KCNG3: variants seen among roughly 807,000 people sequenced by gnomAD.
KCNG3 encodes the protein potassium voltage-gated channel modifier subfamily G member 3.
A neutral mutation model predicts 29.0 loss-of-function variants in KCNG3; 15 were observed. The ratio of observed to expected loss-of-function variants is 0.52; its 90% CI spans 0.35 to 0.80. KCNG3 has a LOEUF of 0.80. KCNG3 is among the 30% of genes least tolerant of loss of function. KCNG3 has a pLI of 0.01. For missense variants in KCNG3, 512 were observed against 605.7 expected, an observed-to-expected ratio of 0.85 and a Z score of 1.62; for synonymous variants, 322 against 248.9, an observed-to-expected ratio of 1.29 and a Z score of -2.76.
At chr2:42,412,905 C>T in the KCNG3 span, among the ~76,000 whole-genome samples, 1 of 152,074 alleles carries the variant, frequency 6.6e-6, no homozygotes, top group Non-Finnish European at 1.5e-5. Context: ...ATTACTACGT[C>T]ACATTTTTTA....
At chr2:42,472,898 TATATA>T in intron 1 of KCNG3, among the ~76,000 whole-genome samples, 2 of 97,084 alleles carry the variant, frequency 2.1e-5, no homozygotes, top group Non-Finnish European at 3.9e-5. Flanking sequence ...TAGATATATA[TATATA>T]TTTTTTTTTT....
intron 1 of KCNG3, among the ~76,000 whole-genome samples, chr2:42,491,913 C>T (rs1673887490): frequency 6.6e-6 from 1 of 152,178 alleles, no homozygotes; most frequent in Admixed American, 6.5e-5. Flanking sequence ...CTATAATATG[C>T]AGTTTGGGTT....
intron 1 of KCNG3, among the ~76,000 whole-genome samples, chr2:42,483,429 T>C (rs10190727): frequency 0.81 from 123,896 of 152,274 alleles, 51,084 homozygotes; most frequent in African/African-American, 0.94. Flanking sequence ...TCGTGTTCTG[T>C]GCCACTGTTT....
the KCNG3 span, among the ~76,000 whole-genome samples, chr2:42,431,576 T>C: frequency 2.0e-5 from 3 of 152,196 alleles, no homozygotes; most frequent in Non-Finnish European, 4.4e-5. Context: ...TGGTGCTCTA[T>C]CTAAGAAAAG....
At chr2:42,409,749 G>C in the KCNG3 span, among the ~76,000 whole-genome samples, 3 of 139,462 alleles carry the variant, frequency 2.2e-5, no homozygotes, top group East Asian at 6.1e-4. Flanking sequence ...AAATTATACA[G>C]TGAAAAAGCT....
At chr2:42,460,148 G>C (rs1354800776) in intron 1 of KCNG3, among the ~76,000 whole-genome samples, 2 of 152,042 alleles carry the variant, frequency 1.3e-5, no homozygotes, top group Non-Finnish European at 1.5e-5. Context: ...AGGACTTCTT[G>C]AAGCCAGGAG....
chr2:42,421,722 T>G, the KCNG3 span, among the ~76,000 whole-genome samples: 1 of 152,102 alleles, frequency 6.6e-6, no homozygotes, highest in African/African-American at 2.4e-5. Context: ...AATCTTAGAA[T>G]TGGGGAAAAA....
At chr2:42,463,171 G>T in intron 1 of KCNG3, 1 of 345,712 alleles carries the variant, frequency 2.9e-6, no homozygotes. Context: ...CCAAGCTCAT[G>T]GCCACCAGCA....
chr2:42,410,169 C>T, the KCNG3 span, among the ~76,000 whole-genome samples: 1 of 152,012 alleles, frequency 6.6e-6, no homozygotes, highest in Non-Finnish European at 1.5e-5. Flanking sequence ...CCTAGTATTC[C>T]ATTGTTGGAT....
intron 1 of KCNG3, among the ~76,000 whole-genome samples, chr2:42,452,401 G>A (rs1380903664): frequency 1.3e-5 from 2 of 151,746 alleles, no homozygotes; most frequent in African/African-American, 4.8e-5. Context: ...ACTTTAAAAT[G>A]TAAGATTAAA....
chr2:42,492,901 C>T lies in KCNG3; in HGVS notation c.601G>A (p.Ala201Thr). 6.4e-7 allele frequency: 1 copy of T among 1,568,014 alleles called. No individual in the cohort carries two copies. The highest frequency in any genetic ancestry group is 8.6e-7 in the Non-Finnish European group (1 of 1,162,150). Residue 201 changes from alanine (A) to threonine (T), a missense_variant, in exon 1 of 2, where the codon GCC becomes ACC. Transcript: ENST00000306078. ...STLPDWRNAA[A>T]DNRSLDDRSR... ...CGGTCATCCAGGCTGCGGTTGTCGG[C>T]GGCTGCGTTGCGCCAGTCGGGCAAC...
chr2:42,449,998 A>T (rs967277748), intron 1 of KCNG3, among the ~76,000 whole-genome samples: 2 of 152,216 alleles, frequency 1.3e-5, no homozygotes, highest in Non-Finnish European at 2.9e-5. Flanking sequence ...CTGAAGGACA[A>T]GCCTCACCAT....
intron 1 of KCNG3, among the ~76,000 whole-genome samples, chr2:42,449,901 C>T (rs762654713): frequency 3.9e-5 from 6 of 152,116 alleles, no homozygotes; most frequent in Non-Finnish European, 7.4e-5. Flanking sequence ...TGTACCAGTT[C>T]TCCAGCTAAC....
In KCNG3 at chr2:42,443,411, G is replaced by A. The variant is rs966303932; in HGVS notation, c.*523C>T. 1.3e-5 allele frequency: 2 copies of A among 152,658 alleles called. No homozygotes were observed. Among genetic ancestry groups the A allele is most frequent in the Non-Finnish European group, 1.5e-5 (1 of 68,124 alleles). The allele number at this position is 152,658 out of a possible 1,614,324, so 9.5% of individuals were successfully genotyped here. Reference sequence around the variant, plus strand: ...CAAATACTATTCTTGCTTGTATCTAGCTCCATTATACAGTTTAAATTTTGG... The same window carrying A: ...CAAATACTATTCTTGCTTGTATCTAACTCCATTATACAGTTTAAATTTTGG... On this transcript the variant is annotated 3_prime_UTR_variant, in exon 2 of 2. Coordinates refer to ENST00000306078, the MANE Select transcript of KCNG3 (RefSeq NM_133329.6).
chr2:42,463,995 C>T, intron 1 of KCNG3: 1 of 280,920 alleles, frequency 3.6e-6, no homozygotes. Flanking sequence ...GAGGCTTAAC[C>T]ATCTTCTGCT....
chr2:42,402,548 T>C, the KCNG3 span, among the ~76,000 whole-genome samples: 2 of 152,322 alleles, frequency 1.3e-5, no homozygotes, highest in East Asian at 3.9e-4. Flanking sequence ...AGTTTTGTTT[T>C]TTCACGCACA....
the KCNG3 span, among the ~76,000 whole-genome samples, chr2:42,426,828 C>T: frequency 6.6e-6 from 1 of 152,124 alleles, no homozygotes; most frequent in African/African-American, 2.4e-5. Context: ...AAACTGTTTG[C>T]AAGACAGAAG....
intron 1 of KCNG3, among the ~76,000 whole-genome samples, chr2:42,445,438 G>A (rs6718870): frequency 0.37 from 55,695 of 151,878 alleles, 10,959 homozygotes; most frequent in Admixed American, 0.53. Flanking sequence ...TACTGGCACC[G>A]AGCAAGTTTA....
At chr2:42,405,442 A>AT in the KCNG3 span, among the ~76,000 whole-genome samples, 2,953 of 137,562 alleles carry the variant, frequency 0.021, 37 homozygotes, top group Non-Finnish European at 0.029. Flanking sequence ...ATTCTGCAGC[A>AT]TTTTTTTTTT....
Sources: gnomAD v4.1 joint callset for allele counts (sites outside exome capture counted in the v4.1 genomes callset) on GRCh38, gnomAD v4.1.1 for gene constraint, MANE v1.5 for transcripts, NCBI Gene and HGNC (gene_info 2026-07-23, HGNC 2026-07-21) for gene names.